Variants in KIF3C observed in about 807,000 individuals in gnomAD.
The protein encoded by KIF3C is kinesin-like protein KIF3C.
KIF3C carries 12 observed loss-of-function variants against 67.7 expected under a neutral mutation model. The observed-to-expected ratio is 0.18, with a 90% CI of 0.11 to 0.29. The LOEUF (loss-of-function observed/expected upper bound fraction) is 0.29, where lower values mean the gene tolerates loss of function less well. Ranked by LOEUF, KIF3C falls within the 10% of genes least tolerant of loss-of-function variation. KIF3C has a pLI of 1.00. For synonymous variants in KIF3C, 393 were observed against 426.2 expected, an observed-to-expected ratio of 0.92 and a Z score of 0.96; for missense variants, 789 against 1,059.6, an observed-to-expected ratio of 0.74 and a Z score of 3.55.
At chr2:25,977,839 T>A (rs1048660894) in intron 1 of KIF3C, among the ~76,000 whole-genome samples, 1 of 152,160 alleles carries the variant, frequency 6.6e-6, no homozygotes, top group African/African-American at 2.4e-5. Flanking sequence ...AGGCGGTGCC[T>A]TGGGGCTATG....
rs564844382 is a variant in KIF3C at position 25,929,331 on chromosome 2, C to T, written c.2262G>A (p.Thr754=). The change falls in exon 7 of 8, where the codon ACG becomes ACA. Residue 754 remains threonine, a synonymous_variant. Transcript: ENST00000264712. ...RLDSFLERPS[T]SKVRKSRSWC... ...AGGATCTGGACTTTCGGACTTTAGA[C>T]GTGGAAGGTCTTTCCAGAAAGCTGT... 4.3e-6 allele frequency: 7 copies of T among 1,614,092 alleles called. No homozygotes were observed. Among genetic ancestry groups the T allele is most frequent in the Admixed American group, 1.7e-5 (1 of 60,006 alleles).
chr2:25,969,818 T>G (rs1664234585), intron 1 of KIF3C, among the ~76,000 whole-genome samples: 1 of 152,010 alleles, frequency 6.6e-6, no homozygotes, highest in Non-Finnish European at 1.5e-5. Context: ...TGGATTCAAG[T>G]GATCCTCCCA....
At position 25,958,555 on chromosome 2, in the gene KIF3C, T is replaced by G. The variant is rs1663865982; in HGVS notation, c.1546-2111A>C. On this transcript the variant is annotated intron_variant, in intron 1 of 7. Coordinates refer to ENST00000264712, the MANE Select transcript of KIF3C (RefSeq NM_002254.8). The surrounding 1 kb of genome is among the most constrained non-coding windows in gnomAD (Gnocchi z 4.5). ...GAGATCACGCCACTGCACTCCAGCC[T>G]GGGTGCCAGAGTGAGACTTCATCAC... is the stretch of plus-strand genomic sequence containing the variant. 6.6e-6 allele frequency among the ~76,000 whole-genome samples: 1 copy of G among 151,952 alleles called. No individual in the cohort carries two copies. Among genetic ancestry groups the G allele is most frequent in the Non-Finnish European group, 1.5e-5 (1 of 67,996 alleles).
intron 7 of KIF3C, 111 bp from the exon 8 acceptor site, chr2:25,929,182 C>T: frequency 1.4e-6 from 2 of 1,386,196 alleles, no homozygotes; most frequent in Non-Finnish European, 2.0e-6. Flanking sequence ...TTCTGACATC[C>T]CCAGTCACCC....
At chr2:25,931,389 C>T (rs1210196022) in intron 5 of KIF3C, among the ~76,000 whole-genome samples, 2 of 151,968 alleles carry the variant, frequency 1.3e-5, no homozygotes, top group Admixed American at 6.6e-5. Flanking sequence ...ACCTGGGAGG[C>T]GGAGGTTGTG....
At chr2:25,963,621 A>C (rs1429473093) in intron 1 of KIF3C, among the ~76,000 whole-genome samples, 1 of 151,642 alleles carries the variant, frequency 6.6e-6, no homozygotes, top group Non-Finnish European at 1.5e-5. Flanking sequence ...TACTGCCAGC[A>C]GTAAATAATG....
chr2:25,935,795 C>T (rs936745962), intron 5 of KIF3C, among the ~76,000 whole-genome samples: 1 of 151,978 alleles, frequency 6.6e-6, no homozygotes, highest in African/African-American at 2.4e-5. Flanking sequence ...TTATGTGGCT[C>T]GGCCGGGTGC....
At chr2:25,948,296 T>C (rs1388646394) in intron 5 of KIF3C, among the ~76,000 whole-genome samples, 1 of 152,128 alleles carries the variant, frequency 6.6e-6, no homozygotes, top group Non-Finnish European at 1.5e-5. Flanking sequence ...GGCTCATGCC[T>C]GTGATCCCAA....
intron 5 of KIF3C, chr2:25,938,357 CA>C (rs11388254): frequency 0.042 from 13,425 of 320,848 alleles, 2 homozygotes; most frequent in East Asian, 0.13. Flanking sequence ...GTCTGAGTCT[CA>C]AAAAAAAAAA....
rs755924441 is a variant in KIF3C at position 25,929,057 on chromosome 2, T to C, written c.2303A>G (p.Gln768Arg). ...ATGTGTGGTGGAAGGTGGAGGCCGC[T>C]GAGGACTCTGGCACCTGCAGGGGAG... ...RKSRSWCQSPQRPPPSTTHAS... is the reference protein window; with the variant it reads ...RKSRSWCQSPRRPPPSTTHAS... The change falls in exon 8 of 8, where the codon CAG becomes CGG. Residue 768 changes from glutamine to arginine, a missense_variant. Transcript: ENST00000264712. 5 of 1,613,668 alleles carry C rather than the reference T, an allele frequency of 3.1e-6. No individual in the cohort carries two copies. Among genetic ancestry groups the C allele is most frequent in the Admixed American group, 3.3e-5 (2 of 59,982 alleles).
intron 1 of KIF3C, among the ~76,000 whole-genome samples, chr2:25,978,780 A>G (rs976104050): frequency 2.6e-5 from 4 of 151,898 alleles, no homozygotes; most frequent in African/African-American, 7.3e-5. Flanking sequence ...AGCAAAATCA[A>G]TGGCAGATTG....
intron 1 of KIF3C, among the ~76,000 whole-genome samples, chr2:25,963,200 T>TATATATACA (rs1664051393): frequency 2.2e-5 from 1 of 45,294 alleles, no homozygotes; most frequent in Admixed American, 4.0e-4. Context: ...ATATATATTT[T>TATATATACA]TTTTTTTTTT....
At chr2:25,929,924 G>A (rs3731640) in intron 6 of KIF3C, 31 bp downstream of exon 6, 259,792 of 1,502,962 alleles carry the variant, frequency 0.17, 42,542 homozygotes, top group East Asian at 0.87. Context: ...CCTCCCTCCC[G>A]TAGGCTCTTT....
rs1461795208 is a variant in KIF3C at position 25,950,743 on chromosome 2, T to C, written c.2006+1046A>G. On this transcript the variant is annotated intron_variant, in intron 5 of 7. Coordinates refer to ENST00000264712, the MANE Select transcript of KIF3C (RefSeq NM_002254.8). ...CAGCTGATGTACTATTGAGAATCTC[T>C]ACCTAGATTGGAAAGGTGGATTGTA... 8.5e-5 allele frequency among the ~76,000 whole-genome samples: 13 copies of C among 152,088 alleles called. 1 individual carries two copies. Among genetic ancestry groups the C allele is most frequent in the Admixed American group, 6.6e-5 (1 of 15,244 alleles).
intron 5 of KIF3C, among the ~76,000 whole-genome samples, chr2:25,932,027 C>T (rs1390875044): frequency 3.1e-5 from 3 of 95,356 alleles, no homozygotes; most frequent in South Asian, 3.6e-4. Context: ...TTTTTGGAAA[C>T]GGAGTCTCGC....
intron 5 of KIF3C, among the ~76,000 whole-genome samples, chr2:25,950,714 A>G (rs1663585392): frequency 6.6e-6 from 1 of 152,144 alleles, no homozygotes; most frequent in Non-Finnish European, 1.5e-5. Flanking sequence ...GAAAACCTCT[A>G]TGACAGCTGA....
intron 1 of KIF3C, among the ~76,000 whole-genome samples, chr2:25,959,774 A>G (rs927243985): frequency 6.6e-6 from 1 of 151,978 alleles, no homozygotes; most frequent in Admixed American, 6.6e-5. Context: ...TTCTCCTCCC[A>G]TTCATCAATC....
Position 25,980,535 on chromosome 2 carries a change from C to T in KIF3C, c.1383G>A (p.Leu461=), listed in dbSNP as rs777125221. Residue 461 remains leucine, a synonymous_variant, in exon 1 of 8, where the codon CTG becomes CTA. Transcript: ENST00000264712. The surrounding 1 kb of genome is among the most constrained non-coding windows in gnomAD (Gnocchi z 7.6). ...SALEKNMENY[L]QEQKERLEEE... is the part of the protein sequence containing the mutation. Reference sequence around the variant, plus strand: ...CCTCCAGCCGCTCCTTCTGTTCCTGCAGGTAATTCTCCATGTTCTTCTCCA... The same window carrying T: ...CCTCCAGCCGCTCCTTCTGTTCCTGTAGGTAATTCTCCATGTTCTTCTCCA... 8 of 1,614,180 alleles carry T rather than the reference C, an allele frequency of 5.0e-6. No homozygotes were observed. Among genetic ancestry groups the T allele is most frequent in the Non-Finnish European group, 6.8e-6 (8 of 1,180,028 alleles).
chr2:25,930,174 G>A, intron 5 of KIF3C, 111 bp from the exon 6 acceptor site: 1 of 801,014 alleles, frequency 1.2e-6, no homozygotes, highest in East Asian at 2.5e-5. Context: ...CAGACTGCAA[G>A]TTCTGGAATT....
Sources: gnomAD v4.1 joint callset for allele counts (sites outside exome capture counted in the v4.1 genomes callset) on GRCh38, gnomAD v4.1.1 for gene constraint, Gnocchi (gnomAD v3.1) non-coding constraint, MANE v1.5 for transcripts, NCBI Gene and HGNC (gene_info 2026-07-23, HGNC 2026-07-21) for gene names.